Variants in MAP3K5 observed in about 807,000 individuals in gnomAD.
MAP3K5 encodes the protein mitogen-activated protein kinase kinase kinase 5, also known as ASK-1.
A neutral mutation model predicts 158.7 loss-of-function variants in MAP3K5; 56 were observed. That is an observed-to-expected ratio of 0.35 (90% CI 0.28 to 0.44). The LOEUF (loss-of-function observed/expected upper bound fraction) is 0.44. MAP3K5 is among the 20% of genes least tolerant of loss of function. The pLI is 1.00. For synonymous variants in MAP3K5, 579 were observed against 601.7 expected (o/e 0.96, Z 0.55); for missense variants, 1,294 against 1,674.8 (o/e 0.77, Z 3.97).
At chr6:136,592,079 T>C (rs2076262) in intron 23 of MAP3K5, 94 bp downstream of exon 23, 51,691 of 1,206,166 alleles carry the variant, frequency 0.043, 4,771 homozygotes, top group East Asian at 0.27. Flanking sequence ...CAGGTTCCTC[T>C]TGCCTTTCAC....
At chr6:136,763,319 T>C (rs1783832160) in intron 1 of MAP3K5, among the ~76,000 whole-genome samples, 1 of 152,246 alleles carries the variant, frequency 6.6e-6, no homozygotes, top group African/African-American at 2.4e-5. Context: ...TACAAGATTG[T>C]TCATTGCCTT....
rs1562621086 is a variant in MAP3K5, at chr6:136,695,951, C to T, written c.1082G>A (p.Arg361Lys). 1 of 1,598,732 alleles carries T rather than the reference C, an allele frequency of 6.3e-7. No individual in the cohort carries two copies. The highest frequency in any genetic ancestry group is 1.3e-5 in the African/African-American group (1 of 74,480). ...VKFHYAFALNRRNLPGDRAKA... is the reference protein window; with the variant it reads ...VKFHYAFALNKRNLPGDRAKA... ...CTGGAAGGGAACTTTTTCTTCTTAC[C>T]TATTCAGTGCAAATGCATAATGAAA... Residue 361 changes from arginine (R) to lysine (K), a missense_variant and splice_region_variant, in exon 6 of 30, where the codon AGG becomes AAG. By Grantham distance (26) the Arg-to-Lys change is conservative. Transcript: ENST00000359015.
chr6:136,751,707 A>C (rs1455781094), intron 1 of MAP3K5, among the ~76,000 whole-genome samples: 2 of 152,256 alleles, frequency 1.3e-5, no homozygotes, highest in Non-Finnish European at 2.9e-5. Context: ...TTTCTGGCCC[A>C]GAGTATGATT....
chr6:136,663,101 C>T (rs1779076307), intron 8 of MAP3K5, among the ~76,000 whole-genome samples: 1 of 152,188 alleles, frequency 6.6e-6, no homozygotes, highest in Non-Finnish European at 1.5e-5. Flanking sequence ...AATGTTAACT[C>T]TCTCAATCCA....
intron 25 of MAP3K5, among the ~76,000 whole-genome samples, chr6:136,569,674 G>A (rs1162690187): frequency 1.3e-5 from 2 of 152,128 alleles, no homozygotes; most frequent in East Asian, 3.8e-4. Context: ...ATACAACCAA[G>A]CTATACCCCA....
intron 7 of MAP3K5, among the ~76,000 whole-genome samples, chr6:136,673,149 C>A (rs918940815): frequency 6.6e-6 from 1 of 152,044 alleles, no homozygotes; most frequent in African/African-American, 2.4e-5. Flanking sequence ...ATTAAAAGTT[C>A]AAGAGGGTCA....
At chr6:136,696,651 T>C (rs758156495) in intron 5 of MAP3K5, among the ~76,000 whole-genome samples, 2 of 152,206 alleles carry the variant, frequency 1.3e-5, no homozygotes, top group Non-Finnish European at 2.9e-5. Context: ...AATCCCTAAC[T>C]TGGAGAGGAT....
At chr6:136,672,994 AAAAAAAAAAAAG>A (rs1456364752) in intron 7 of MAP3K5, among the ~76,000 whole-genome samples, 1 of 151,112 alleles carries the variant, frequency 6.6e-6, no homozygotes, top group South Asian at 2.1e-4. Context: ...TATCTCAAAA[AAAAAAAAAAAAG>A]AAAAAGAAAA....
At chr6:136,648,894 C>T (rs529148231) in intron 11 of MAP3K5, among the ~76,000 whole-genome samples, 141 of 152,308 alleles carry the variant, frequency 9.3e-4, no homozygotes, top group African/African-American at 3.3e-3. Flanking sequence ...GGTTCACATA[C>T]GTGAGGTCTG....
chr6:136,580,297 T>A lies in MAP3K5; in HGVS notation c.3517+4A>T. ...TATGTGCAGAGTAATTAAATATCTC[T>A]GACCTGGAACCAGGATGGTAATGGC... On this transcript the variant is annotated splice_donor_region_variant and intron_variant, in intron 25 of 29. Coordinates refer to ENST00000359015, the MANE Select transcript of MAP3K5 (RefSeq NM_005923.4). 6.3e-7 allele frequency: 1 copy of A among 1,593,950 alleles called. No homozygotes were observed. The highest frequency in any genetic ancestry group is 8.6e-7 in the Non-Finnish European group (1 of 1,161,676).
At chr6:136,719,939 C>A (rs771480026) in intron 2 of MAP3K5, among the ~76,000 whole-genome samples, 2 of 152,142 alleles carry the variant, frequency 1.3e-5, no homozygotes, top group Non-Finnish European at 2.9e-5. Context: ...AGAATGACAT[C>A]GAGACAGGTT....
At chr6:136,696,100 A>G in intron 5 of MAP3K5, 43 bp from the exon 6 acceptor site, 1 of 1,175,888 alleles carries the variant, frequency 8.5e-7, no homozygotes, top group Admixed American at 2.0e-5. Flanking sequence ...AACCATTAGG[A>G]GAAAATTCTC....
intron 23 of MAP3K5, among the ~76,000 whole-genome samples, chr6:136,585,476 T>C (rs994548704): frequency 2.5e-5 from 3 of 121,542 alleles, no homozygotes; most frequent in African/African-American, 9.8e-5. Context: ...TTCTTTTCTT[T>C]ATTTATTTAT....
intron 11 of MAP3K5, among the ~76,000 whole-genome samples, chr6:136,646,666 C>T (rs112401472): frequency 5.3e-5 from 8 of 152,308 alleles, no homozygotes; most frequent in South Asian, 2.1e-4. Context: ...GTCCTGCTCT[C>T]GTCTCCATAA....
rs112422202 is a variant in MAP3K5 at position 136,695,430 on chromosome 6, C to T, written c.1082+521G>A. On this transcript the variant is annotated intron_variant, in intron 6 of 29. Transcript: ENST00000359015. ...CTAGGATTGCAGGAGTGAGCCACCA[C>T]GCCCAGCCTGTGAAATATGTTTCAA... 1.8e-3 allele frequency among the ~76,000 whole-genome samples: 275 copies of T among 152,186 alleles called. 1 individual carries two copies. Among genetic ancestry groups the T allele is most frequent in the African/African-American group, 6.2e-3 (259 of 41,542 alleles).
At chr6:136,730,721 CAAAAAAA>C (rs377188561) in intron 1 of MAP3K5, among the ~76,000 whole-genome samples, 8 of 87,370 alleles carry the variant, frequency 9.2e-5, no homozygotes, top group Non-Finnish European at 8.3e-5. Flanking sequence ...AACTCTGCCT[CAAAAAAA>C]AAAAAAAAAA....
chr6:136,660,270 T>C (rs1778947107), intron 8 of MAP3K5, among the ~76,000 whole-genome samples: 1 of 152,122 alleles, frequency 6.6e-6, no homozygotes, highest in East Asian at 1.9e-4. Context: ...TAAGGAAATA[T>C]GCCTGACACG....
chr6:136,641,714 C>A (rs1162177659), intron 12 of MAP3K5, among the ~76,000 whole-genome samples: 1 of 150,888 alleles, frequency 6.6e-6, no homozygotes, highest in African/African-American at 2.4e-5. Flanking sequence ...AGGGGCCGGG[C>A]GGAGTGGCTC....
chr6:136,560,540 A>C (rs1562505657), intron 28 of MAP3K5, among the ~76,000 whole-genome samples: 1 of 152,220 alleles, frequency 6.6e-6, no homozygotes, highest in Non-Finnish European at 1.5e-5. Flanking sequence ...TACAGGTAAA[A>C]TATGGTTTGT....
Sources: allele counts gnomAD v4.1 joint callset (sites outside exome capture counted in the v4.1 genomes callset), GRCh38; gene constraint gnomAD v4.1.1; transcripts MANE v1.5; gene names NCBI Gene and HGNC (gene_info 2026-07-23, HGNC 2026-07-21).